The following PDE3A variants were observed in gnomAD, a reference collection of about 807,000 sequenced individuals.
The protein encoded by PDE3A is cGMP-inhibited 3',5'-cyclic phosphodiesterase 3A.
Under a neutral mutation model 98.3 loss-of-function variants are expected in PDE3A, and 43 were observed. The observed-to-expected ratio is 0.44, with a 90% CI of 0.34 to 0.56. PDE3A has a LOEUF of 0.56. PDE3A is among the 20% of genes least tolerant of loss of function. PDE3A has a pLI of 0.01. For synonymous variants in PDE3A, 663 were observed against 567.9 expected (o/e 1.17, Z -2.38); for missense variants, 1,427 against 1,440.7 (o/e 0.99, Z 0.15).
At chr12:20,678,304 A>T (rs1945689884) in intron 15 of PDE3A, among the ~76,000 whole-genome samples, 1 of 151,846 alleles carries the variant, frequency 6.6e-6, no homozygotes, top group Non-Finnish European at 1.5e-5. Flanking sequence ...TACCTTAGGC[A>T]TTTCCTGTAA....
intron 6 of PDE3A, among the ~76,000 whole-genome samples, chr12:20,631,274 T>A (rs1259951438): frequency 6.6e-6 from 1 of 152,186 alleles, no homozygotes; most frequent in Non-Finnish European, 1.5e-5. Context: ...AAAGAGCAAG[T>A]TCTGTAGTAA....
At chr12:20,406,602 TA>T (rs1386828681) in intron 1 of PDE3A, among the ~76,000 whole-genome samples, 2 of 152,190 alleles carry the variant, frequency 1.3e-5, no homozygotes, top group African/African-American at 4.8e-5. Context: ...ATATTTTGGA[TA>T]TTAATCTCTT....
At chr12:20,667,991 G>T (rs374976454) in intron 15 of PDE3A, among the ~76,000 whole-genome samples, 1 of 152,224 alleles carries the variant, frequency 6.6e-6, no homozygotes, top group African/African-American at 2.4e-5. Context: ...GTGGGTGCGC[G>T]CACCGTGCGC....
At chr12:20,611,457 G>A (rs1565448612) in intron 2 of PDE3A, among the ~76,000 whole-genome samples, 2 of 151,658 alleles carry the variant, frequency 1.3e-5, no homozygotes, top group African/African-American at 4.8e-5. Context: ...TTCAACACTT[G>A]AGCTATGGAA....
At chr12:20,549,096 A>G (rs1307209644) in intron 1 of PDE3A, among the ~76,000 whole-genome samples, 2 of 152,120 alleles carry the variant, frequency 1.3e-5, no homozygotes, top group Admixed American at 6.6e-5. Flanking sequence ...ATTTTAAATA[A>G]TCTGTAATAT....
At position 20,683,184 on chromosome 12, in the gene PDE3A, C is replaced by T. The variant is rs1020033702; in HGVS notation, c.*2913C>T. On this transcript the variant is annotated 3_prime_UTR_variant, in exon 16 of 16. Coordinates refer to ENST00000359062, the MANE Select transcript of PDE3A (RefSeq NM_000921.5). ...CCACTAAGTTTGTGACTTTCATACA[C>T]ACCCAGTACATCTCAAAGGATGCTA... 2 of 152,188 alleles carry T rather than the reference C, an allele frequency of 1.3e-5. No individual in the cohort carries two copies. The highest frequency in any genetic ancestry group is 2.9e-5 in the Non-Finnish European group (2 of 68,050). 9.4% of individuals were successfully genotyped at this position (152,188 alleles called of 1,614,324 possible). A position where few individuals can be genotyped will look rare whatever the true frequency, so the allele number is the denominator to read the frequency against.
chr12:20,374,964 A>G (rs539254492), intron 1 of PDE3A, among the ~76,000 whole-genome samples: 1 of 152,042 alleles, frequency 6.6e-6, no homozygotes, highest in South Asian at 2.1e-4. Flanking sequence ...GCATTGGGCG[A>G]TGGGGAAATG....
chr12:20,647,571 T>G (rs1016372533), intron 12 of PDE3A, among the ~76,000 whole-genome samples: 5 of 152,260 alleles, frequency 3.3e-5, no homozygotes, highest in Non-Finnish European at 5.9e-5. Flanking sequence ...CTCATTTATT[T>G]AATTAGCTGA....
intron 1 of PDE3A, among the ~76,000 whole-genome samples, chr12:20,389,346 A>G (rs1478988542): frequency 1.3e-5 from 2 of 151,926 alleles, no homozygotes; most frequent in Non-Finnish European, 2.9e-5. Flanking sequence ...TTATCCACTG[A>G]GGAGGCACAC....
chr12:20,536,587 C>A (rs1470575010), intron 1 of PDE3A, among the ~76,000 whole-genome samples: 1 of 152,044 alleles, frequency 6.6e-6, no homozygotes. Flanking sequence ...TATTTTCTAT[C>A]TTTATAGATT....
chr12:20,678,551 G>T (rs982306507), intron 15 of PDE3A, among the ~76,000 whole-genome samples: 8 of 152,152 alleles, frequency 5.3e-5, no homozygotes, highest in Admixed American at 1.3e-4. Context: ...ATTGGTTCAT[G>T]TAAACATGAT....
At chr12:20,373,067 G>C (rs141151835) in intron 1 of PDE3A, among the ~76,000 whole-genome samples, 1 of 152,064 alleles carries the variant, frequency 6.6e-6, no homozygotes, top group East Asian at 1.9e-4. Context: ...AGAACTGTAA[G>C]TCTGTAGCAC....
At chr12:20,498,338 C>T (rs1363594643) in intron 1 of PDE3A, among the ~76,000 whole-genome samples, 2 of 151,886 alleles carry the variant, frequency 1.3e-5, no homozygotes, top group Admixed American at 6.6e-5. Context: ...CTGGATTCTA[C>T]ATCCATGGAT....
Position 20,369,199 on chromosome 12 carries a change from G to C in PDE3A, c.-86G>C, listed in dbSNP as rs1943405844. ...GGGAAGAGCGTGCGTGCGTGTGTGTGTGTGTGTGTGTGCGCGCGCGCGCGT... is the reference window on the plus strand; with the variant it reads ...GGGAAGAGCGTGCGTGCGTGTGTGTCTGTGTGTGTGTGCGCGCGCGCGCGT... On this transcript the variant is annotated 5_prime_UTR_variant, in exon 1 of 16. Coordinates refer to ENST00000359062, the MANE Select transcript of PDE3A (RefSeq NM_000921.5). 1.2e-6 allele frequency: 1 copy of C among 843,034 alleles called. No individual in the cohort carries two copies. Among genetic ancestry groups the C allele is most frequent in the Non-Finnish European group, 1.8e-6 (1 of 551,564 alleles). The allele number at this position is 843,034 out of a possible 1,614,324, so 52.2% of individuals were successfully genotyped here.
At chr12:20,666,641 T>G (rs58180670) in intron 15 of PDE3A, among the ~76,000 whole-genome samples, 3,276 of 152,340 alleles carry the variant, frequency 0.022, 101 homozygotes, top group African/African-American at 0.073. Flanking sequence ...ATTATTCCAT[T>G]GTGTATGTAT....
intron 10 of PDE3A, among the ~76,000 whole-genome samples, chr12:20,641,662 T>A (rs1431803011): frequency 1.3e-5 from 2 of 152,204 alleles, no homozygotes; most frequent in Non-Finnish European, 2.9e-5. Context: ...TGGTATATCA[T>A]TAAATCATAG....
chr12:20,665,432 A>C (rs1298544761), intron 15 of PDE3A, among the ~76,000 whole-genome samples: 3 of 152,166 alleles, frequency 2.0e-5, no homozygotes, highest in African/African-American at 7.2e-5. Context: ...CATGTTGAAA[A>C]CTTTGAATCA....
In PDE3A at chr12:20,630,081, C is replaced by T. The variant is rs542838995; in HGVS notation, c.1714C>T (p.Pro572Ser). The T allele has an allele frequency of 2.5e-6, 4 of 1,613,788 alleles. No homozygotes were observed. The South Asian group carries it at 3.3e-5, about 13-fold the overall frequency. Reference protein sequence around the residue: ...HRALTYTQSAPDLSPQILTPP... With the variant: ...HRALTYTQSASDLSPQILTPP... Reference sequence around the variant, plus strand: ...GGCCTTAACTTACACTCAGAGTGCCCCAGACCTATCCCCTCAAATCCTGAC... The same window carrying T: ...GGCCTTAACTTACACTCAGAGTGCCTCAGACCTATCCCCTCAAATCCTGAC... Residue 572 changes from proline (P) to serine (S), a missense_variant, in exon 6 of 16, where the codon CCA (proline) becomes TCA (serine). By Grantham distance (74) the Pro-to-Ser change is moderately conservative (BLOSUM62 -1). Transcript: ENST00000359062.
chr12:20,406,434 G>T (rs1210333441), intron 1 of PDE3A, among the ~76,000 whole-genome samples: 2 of 152,134 alleles, frequency 1.3e-5, no homozygotes. Flanking sequence ...AGGTGTGAGG[G>T]AATATCTCAT....
Sources: allele counts gnomAD v4.1 joint callset (sites outside exome capture counted in the v4.1 genomes callset), GRCh38; gene constraint gnomAD v4.1.1; transcripts MANE v1.5; gene names NCBI Gene and HGNC (gene_info 2026-07-23, HGNC 2026-07-21).